Variants in ANAPC1 observed in about 807,000 individuals in gnomAD.
ANAPC1 encodes anaphase-promoting complex subunit 1.
Under a neutral mutation model 208.0 loss-of-function variants are expected in ANAPC1, and 36 were observed. The ratio of observed to expected loss-of-function variants is 0.17; its 90% CI spans 0.13 to 0.23. The LOEUF is 0.23. ANAPC1 is among the 10% of genes least tolerant of loss of function. The pLI is 1.00. For missense variants in ANAPC1, 942 were observed against 2,011.6 expected (o/e 0.47, Z 10.17); for synonymous variants, 378 against 695.2 (o/e 0.54, Z 7.18).
chr2:111,856,338 T>TAA, intron 13 of ANAPC1: 28 of 242,268 alleles, frequency 1.2e-4, no homozygotes, highest in East Asian at 1.7e-4. Flanking sequence ...ACTTTAACTT[T>TAA]AAAAAAAAAA....
chr2:111,880,313 G>A (rs1314547309), intron 2 of ANAPC1, among the ~76,000 whole-genome samples: 11 of 151,918 alleles, frequency 7.2e-5, no homozygotes, highest in East Asian at 1.9e-4. Context: ...CAGAGGTTGC[G>A]GTGAGCCAAG....
chr2:111,834,594 A>C lies in ANAPC1; in HGVS notation c.2384+10T>G. 1.3e-6 allele frequency: 2 copies of C among 1,561,236 alleles called. No homozygotes were observed. Among genetic ancestry groups the C allele is most frequent in the South Asian group, 2.5e-5 (2 of 80,164 alleles). On this transcript the variant is annotated intron_variant, in intron 19 of 47. Coordinates refer to ENST00000341068, the MANE Select transcript of ANAPC1 (RefSeq NM_022662.4). The stretch of plus-strand genomic sequence containing the variant: ...CTTCCTGGCAGTTTCTAACCTACAA[A>C]CAAATTTACCTTGCCAACTGAACGA...
At chr2:111,791,091 T>G (rs1349930922) in intron 38 of ANAPC1, among the ~76,000 whole-genome samples, 1 of 152,196 alleles carries the variant, frequency 6.6e-6, no homozygotes, top group East Asian at 1.9e-4. Context: ...AATTTTAAAA[T>G]AGATAAATAT....
intron 43 of ANAPC1, 132 bp downstream of exon 43, chr2:111,782,237 A>T: frequency 1.3e-6 from 1 of 749,116 alleles, no homozygotes; most frequent in Non-Finnish European, 2.1e-6. Context: ...AAGCAAACAG[A>T]GCCACAGTCA....
chr2:111,871,822 G>C (rs897839463), intron 6 of ANAPC1, among the ~76,000 whole-genome samples: 1 of 152,202 alleles, frequency 6.6e-6, no homozygotes, highest in African/African-American at 2.4e-5. Flanking sequence ...CGGTGCTATT[G>C]ATCTGTGTAC....
chr2:111,870,264 C>T (rs1251918998), intron 6 of ANAPC1, among the ~76,000 whole-genome samples: 3 of 152,120 alleles, frequency 2.0e-5, no homozygotes, highest in Non-Finnish European at 4.4e-5. Context: ...GAATGGTAGA[C>T]GTACTTTTAG....
chr2:111,818,553 CTCA>C (rs1679354954), intron 27 of ANAPC1, among the ~76,000 whole-genome samples: 1 of 151,656 alleles, frequency 6.6e-6, no homozygotes, highest in East Asian at 1.9e-4. Flanking sequence ...AAATTCAAGT[CTCA>C]TCGTTATCAA....
intron 13 of ANAPC1, among the ~76,000 whole-genome samples, chr2:111,852,593 T>C (rs1033570619): frequency 6.6e-6 from 1 of 152,220 alleles, no homozygotes; most frequent in Non-Finnish European, 1.5e-5. Context: ...GGATTTTTTT[T>C]AATCATGGAT....
rs1161405642 is a variant in ANAPC1, at chr2:111,768,392, G to A, written c.*899C>T. The A allele has an allele frequency of 6.6e-6, 1 of 151,806 alleles. No individual in the cohort carries two copies. Among genetic ancestry groups the A allele is most frequent in the Non-Finnish European group, 1.5e-5 (1 of 68,066 alleles). The allele number at this position is 151,806 out of a possible 1,614,324, so 9.4% of individuals were successfully genotyped here. On this transcript the variant is annotated 3_prime_UTR_variant, in exon 48 of 48. Transcript: ENST00000341068. The stretch of plus-strand genomic sequence containing the variant: ...GCAGGCTTCACGTATTAGTCTGCCT[G>A]GGCTGCCATAACAAAATACCACAGA...
At chr2:111,852,903 C>T (rs1573465465) in intron 13 of ANAPC1, among the ~76,000 whole-genome samples, 1 of 151,844 alleles carries the variant, frequency 6.6e-6, no homozygotes, top group Non-Finnish European at 1.5e-5. Context: ...GTGGGAGGAT[C>T]GCTTGAGTCA....
At chr2:111,773,555 G>A (rs1439998581) in intron 46 of ANAPC1, among the ~76,000 whole-genome samples, 1 of 152,088 alleles carries the variant, frequency 6.6e-6, no homozygotes, top group Non-Finnish European at 1.5e-5. Flanking sequence ...TTTTGATACA[G>A]AAAAAAGGTA....
chr2:111,827,514 A>G (rs1161814456), intron 21 of ANAPC1, among the ~76,000 whole-genome samples: 1 of 150,654 alleles, frequency 6.6e-6, no homozygotes, highest in Non-Finnish European at 1.5e-5. Context: ...TTAGCTAAAC[A>G]TCACATAAAA....
rs542410220 is a variant in ANAPC1, at chr2:111,800,450, T to C, written c.4296+347A>G. ...GATCTAAAATTGTCACGAAGTAAAA[T>C]AGCATCTTAGAAATGTGCACTTAAT... is the stretch of plus-strand genomic sequence containing the variant. On this transcript the variant is annotated intron_variant, in intron 34 of 47. Coordinates refer to ENST00000341068, the MANE Select transcript of ANAPC1 (RefSeq NM_022662.4). Among the ~76,000 whole-genome samples, 62 of 134,192 alleles carry C rather than the reference T, an allele frequency of 4.6e-4. 8 individuals carry two copies. Among genetic ancestry groups the C allele is most frequent in the African/African-American group, 1.7e-3 (60 of 34,430 alleles). 88.0% of individuals were successfully genotyped at this position (134,192 alleles called of 152,430 possible).
chr2:111,875,600 C>CTA (rs1165886542), intron 3 of ANAPC1, among the ~76,000 whole-genome samples: 2 of 151,992 alleles, frequency 1.3e-5, no homozygotes, highest in Non-Finnish European at 2.9e-5. Context: ...CCAGTCAATC[C>CTA]TATATATATA....
intron 20 of ANAPC1, 89 bp from the exon 21 acceptor site, chr2:111,831,523 T>C (rs1173967799): frequency 5.5e-6 from 6 of 1,100,456 alleles, no homozygotes; most frequent in African/African-American, 3.2e-5. Context: ...CAACAGTTAC[T>C]TGTCATTTTG....
At position 111,794,232 on chromosome 2, in the gene ANAPC1, C is replaced by T; in HGVS notation, c.4464+1G>A. 1 of 1,607,312 alleles carries T rather than the reference C, an allele frequency of 6.2e-7. No individual in the cohort carries two copies. Among genetic ancestry groups the T allele is most frequent in the South Asian group, 1.1e-5 (1 of 88,552 alleles). ...ACACAGTAAACTAAAATACTTCTTA[C>T]CAAACAGTTAAATGCTGATAAGTTT... On this transcript the variant is annotated splice_donor_variant, in intron 36 of 47. Coordinates refer to ENST00000341068, the MANE Select transcript of ANAPC1 (RefSeq NM_022662.4). LOFTEE classifies it high-confidence loss of function.
chr2:111,807,777 T>C (rs1678767878), intron 29 of ANAPC1, among the ~76,000 whole-genome samples: 1 of 151,638 alleles, frequency 6.6e-6, no homozygotes. Context: ...ATCTTCTATA[T>C]ACAGTGTGAA....
chr2:111,878,691 G>A, intron 3 of ANAPC1, 119 bp downstream of exon 3: 4 of 1,308,830 alleles, frequency 3.1e-6, no homozygotes, highest in Non-Finnish European at 3.1e-6. Context: ...ATGTTACAAC[G>A]TACACCCAGC....
chr2:111,778,959 C>T (rs1165971449), intron 44 of ANAPC1, 189 bp from the exon 45 acceptor site: 1 of 160,218 alleles, frequency 6.2e-6, no homozygotes, highest in East Asian at 1.7e-4. Context: ...AATTAAGTCC[C>T]AAGAGACAGT....
Sources: gnomAD v4.1 joint callset for allele counts (sites outside exome capture counted in the v4.1 genomes callset) on GRCh38, gnomAD v4.1.1 for gene constraint, MANE v1.5 for transcripts, NCBI Gene and HGNC (gene_info 2026-07-23, HGNC 2026-07-21) for gene names.